Variants in PTPRG observed in about 807,000 individuals in gnomAD.
The protein encoded by PTPRG is receptor-type tyrosine-protein phosphatase gamma.
In PTPRG, 102 loss-of-function variants were observed where a neutral mutation model predicts 165.3. That is an observed-to-expected ratio of 0.62 (90% CI 0.53 to 0.73). The LOEUF (loss-of-function observed/expected upper bound fraction) is 0.73. Ranked by LOEUF, PTPRG falls within the 30% of genes least tolerant of loss-of-function variation. The pLI, the probability that PTPRG is intolerant of heterozygous loss-of-function variation, is 0.00. For missense variants in PTPRG, 1,866 were observed against 1,861.4 expected (o/e 1.00, Z -0.05); for synonymous variants, 675 against 669.5 (o/e 1.01, Z -0.13).
intron 1 of PTPRG, among the ~76,000 whole-genome samples, chr3:61,654,103 T>C (rs2106996516): frequency 6.6e-6 from 1 of 152,304 alleles, no homozygotes; most frequent in East Asian, 1.9e-4. Context: ...GACCTCAGTT[T>C]ACTCTTGTGC....
chr3:61,958,702 T>G (rs1272115810), intron 2 of PTPRG, among the ~76,000 whole-genome samples: 1 of 152,236 alleles, frequency 6.6e-6, no homozygotes, highest in African/African-American at 2.4e-5. Context: ...ACATTGAATC[T>G]TATCTATCTT....
chr3:62,160,090 G>A (rs1286496391), intron 7 of PTPRG, among the ~76,000 whole-genome samples: 7 of 152,144 alleles, frequency 4.6e-5, no homozygotes, highest in East Asian at 1.9e-4. Flanking sequence ...CTAGTCTCTC[G>A]TTCTTCTACT....
intron 1 of PTPRG, among the ~76,000 whole-genome samples, chr3:61,675,551 C>T (rs1703191316): frequency 6.6e-6 from 1 of 152,110 alleles, no homozygotes; most frequent in African/African-American, 2.4e-5. Context: ...AGTCTTTTTT[C>T]CCCCTATTAT....
intron 1 of PTPRG, among the ~76,000 whole-genome samples, chr3:61,679,455 A>G (rs1005383956): frequency 6.6e-6 from 1 of 152,288 alleles, no homozygotes; most frequent in Non-Finnish European, 1.5e-5. Context: ...TACATGCAGA[A>G]CCTTAACAGT....
intron 2 of PTPRG, among the ~76,000 whole-genome samples, chr3:61,900,765 G>A (rs1206829232): frequency 6.6e-6 from 1 of 152,030 alleles, no homozygotes; most frequent in African/African-American, 2.4e-5. Flanking sequence ...CATAATTTTA[G>A]GCACTTGTCA....
chr3:61,652,403 C>G (rs1406960272), intron 1 of PTPRG, among the ~76,000 whole-genome samples: 1 of 152,152 alleles, frequency 6.6e-6, no homozygotes, highest in Admixed American at 6.5e-5. Context: ...CAGGGCTGAT[C>G]TTCAAGTTTA....
intron 2 of PTPRG, among the ~76,000 whole-genome samples, chr3:61,848,054 T>A (rs564583497): frequency 3.7e-4 from 57 of 152,342 alleles, no homozygotes; most frequent in African/African-American, 1.2e-3. Context: ...TTTGTTACTC[T>A]AGTTGATGAG....
chr3:62,102,007 A>G (rs1466572499), intron 5 of PTPRG, among the ~76,000 whole-genome samples: 2 of 151,728 alleles, frequency 1.3e-5, no homozygotes, highest in Admixed American at 6.6e-5. Flanking sequence ...TTTTTTTCCT[A>G]CTTTGATTGG....
At chr3:61,937,019 T>G (rs1463614984) in intron 2 of PTPRG, among the ~76,000 whole-genome samples, 1 of 152,190 alleles carries the variant, frequency 6.6e-6, no homozygotes, top group Non-Finnish European at 1.5e-5. Flanking sequence ...GAGGAGGCTT[T>G]TTTTTGAGAC....
At chr3:62,184,593 G>C (rs140280700) in intron 8 of PTPRG, among the ~76,000 whole-genome samples, 30 of 152,278 alleles carry the variant, frequency 2.0e-4, no homozygotes, top group African/African-American at 7.0e-4. Context: ...GTTCCCTCCT[G>C]CTTTTAACAG....
At chr3:62,089,266 T>C (rs1345689760) in intron 5 of PTPRG, among the ~76,000 whole-genome samples, 1 of 152,232 alleles carries the variant, frequency 6.6e-6, no homozygotes, top group Admixed American at 6.5e-5. Flanking sequence ...TTTCTGATTT[T>C]ATGGAAATAC....
intron 1 of PTPRG, among the ~76,000 whole-genome samples, chr3:61,583,211 G>A (rs1198445477): frequency 6.6e-6 from 1 of 152,188 alleles, no homozygotes; most frequent in Admixed American, 6.5e-5. Context: ...GAGAGGCTTG[G>A]GAGCCAATGT....
At chr3:61,787,770 A>ATG (rs1321586452) in intron 2 of PTPRG, among the ~76,000 whole-genome samples, 1 of 152,186 alleles carries the variant, frequency 6.6e-6, no homozygotes, top group African/African-American at 2.4e-5. Flanking sequence ...TATTGACTTG[A>ATG]TGGGCTGTAA....
At chr3:61,965,785 G>T (rs1166759963) in intron 2 of PTPRG, among the ~76,000 whole-genome samples, 2 of 152,210 alleles carry the variant, frequency 1.3e-5, no homozygotes, top group African/African-American at 4.8e-5. Flanking sequence ...TTCTCATTTT[G>T]TAAACAAGGA....
intron 2 of PTPRG, among the ~76,000 whole-genome samples, chr3:61,765,139 G>A (rs1010575418): frequency 1.3e-5 from 2 of 152,220 alleles, no homozygotes; most frequent in African/African-American, 4.8e-5. Flanking sequence ...AACACAGCAA[G>A]GTGTGTTGTG....
rs559949088 is a variant in PTPRG, at chr3:61,726,635, G to A, written c.86-22243G>A. Reference sequence around the variant, plus strand: ...GCATGCCCCCTAAATTGCCTGTTTCGATGCCTGAAGTTTTGCCATTAAGGA... The same window carrying A: ...GCATGCCCCCTAAATTGCCTGTTTCAATGCCTGAAGTTTTGCCATTAAGGA... On this transcript the variant is annotated intron_variant, in intron 1 of 29. Transcript: ENST00000474889. 1.2e-3 allele frequency among the ~76,000 whole-genome samples: 180 copies of A among 152,228 alleles called. 1 individual carries two copies. The highest frequency in any genetic ancestry group is 1.2e-3 in the Admixed American group (18 of 15,298).
At chr3:61,979,156 C>G (rs2040577660) in intron 2 of PTPRG, among the ~76,000 whole-genome samples, 1 of 152,182 alleles carries the variant, frequency 6.6e-6, no homozygotes, top group South Asian at 2.1e-4. Context: ...TGTTTAAAAA[C>G]TCAGCTATCA....
At chr3:61,908,639 G>C (rs2038719481) in intron 2 of PTPRG, among the ~76,000 whole-genome samples, 1 of 152,038 alleles carries the variant, frequency 6.6e-6, no homozygotes, top group African/African-American at 2.4e-5. Flanking sequence ...CTCCTCTGCA[G>C]GAATTAAGGG....
chr3:61,932,058 A>G lies in PTPRG; in HGVS notation c.191-57567A>G, dbSNP rs1017357118. ...ATTTAAAACATGTTTTTTGCTAACA[A>G]TATTTTCCCCTGCCAAAATCTGTTT... On this transcript the variant is annotated intron_variant, in intron 2 of 29. Coordinates refer to ENST00000474889, the MANE Select transcript of PTPRG (RefSeq NM_002841.4). Among the ~76,000 whole-genome samples the G allele has an allele frequency of 5.3e-5, 8 of 152,148 alleles. No homozygotes were observed. In the East Asian group the frequency reaches 5.8e-4, roughly 11 times the overall value.
Sources: allele counts gnomAD v4.1 joint callset (sites outside exome capture counted in the v4.1 genomes callset), GRCh38; gene constraint gnomAD v4.1.1; transcripts MANE v1.5; gene names NCBI Gene and HGNC (gene_info 2026-07-23, HGNC 2026-07-21).